The following BORCS5 variants were observed in gnomAD, a reference collection of about 807,000 sequenced individuals.
The protein encoded by BORCS5 is BLOC-1 related complex subunit 5.
In BORCS5, 17 loss-of-function variants were observed where a neutral mutation model predicts 22.1. That is an observed-to-expected ratio of 0.77 (90% CI 0.53 to 1.15). The LOEUF is 1.15. BORCS5 is among the 50% of genes most tolerant of loss of function. The pLI is 0.00. For synonymous variants in BORCS5, 117 were observed against 99.8 expected, an observed-to-expected ratio of 1.17 and a Z score of -1.03; for missense variants, 247 against 253.2, an observed-to-expected ratio of 0.98 and a Z score of 0.17.
At position 12,470,019 on chromosome 12, in the gene BORCS5, T is replaced by G. The variant is rs1415608849; in HGVS notation, c.*4243T>G. ...TACCCATCTGTGGCGTGTGAGGAAG[T>G]GTGCTGCACAGCAGGAGGTGAGCGG... On this transcript the variant is annotated 3_prime_UTR_variant, in exon 4 of 4. Transcript: ENST00000314565. 6.6e-6 allele frequency among the ~76,000 whole-genome samples: 1 copy of G among 152,084 alleles called. No homozygotes were observed. Among genetic ancestry groups the G allele is most frequent in the Non-Finnish European group, 1.5e-5 (1 of 68,020 alleles).
chr12:12,381,166 AT>A, intron 2 of BORCS5, among the ~76,000 whole-genome samples: 1 of 150,660 alleles, frequency 6.6e-6, no homozygotes, highest in Non-Finnish European at 1.5e-5. Context: ...TGCCTGGCTC[AT>A]TTTTGTGTTT....
At chr12:12,444,087 C>T (rs1056988616) in intron 3 of BORCS5, among the ~76,000 whole-genome samples, 2 of 152,200 alleles carry the variant, frequency 1.3e-5, no homozygotes, top group African/African-American at 4.8e-5. Flanking sequence ...GCTGCAGTGC[C>T]TAGAACAATG....
rs143751244 is a variant in BORCS5, at chr12:12,466,225, C to G, written c.*449C>G. 1.5e-3 allele frequency: 232 copies of G among 156,926 alleles called. 2 individuals are homozygous for G. Among genetic ancestry groups the G allele is most frequent in the African/African-American group, 4.9e-3 (203 of 41,594 alleles). 9.7% of individuals were successfully genotyped at this position (156,926 alleles called of 1,614,324 possible). A position where few individuals can be genotyped will look rare whatever the true frequency, so the allele number is the denominator to read the frequency against. On this transcript the variant is annotated 3_prime_UTR_variant, in exon 4 of 4. Transcript: ENST00000314565. ...GTTTATGTGTGGTCAACTTGAAAAACTAATTGAATCTAGGTCTCTGTATTG... is the reference window on the plus strand; with the variant it reads ...GTTTATGTGTGGTCAACTTGAAAAAGTAATTGAATCTAGGTCTCTGTATTG...
At position 12,466,195 on chromosome 12, in the gene BORCS5, G is replaced by T. The variant is rs190769009; in HGVS notation, c.*419G>T. 6.2e-6 allele frequency: 1 copy of T among 161,954 alleles called. No homozygotes were observed. Among genetic ancestry groups the T allele is most frequent in the Admixed American group, 6.3e-5 (1 of 15,944 alleles). The allele number at this position is 161,954 out of a possible 1,614,324, so 10.0% of individuals were successfully genotyped here. ...GCCCTCATGAACTTTTCAGTAGGCT[G>T]TCTGGTTTATGTGTGGTCAACTTGA... On this transcript the variant is annotated 3_prime_UTR_variant, in exon 4 of 4. Coordinates refer to ENST00000314565, the MANE Select transcript of BORCS5 (RefSeq NM_058169.6).
chr12:12,426,429 C>T (rs1367512999), intron 2 of BORCS5, among the ~76,000 whole-genome samples: 1 of 152,126 alleles, frequency 6.6e-6, no homozygotes, highest in African/African-American at 2.4e-5. Context: ...AACAGGATTC[C>T]TCGAAGACAC....
At chr12:12,438,371 A>AAAAAAAAAAAAAAAAAAAAAAAAC (rs1565915549) in intron 3 of BORCS5, among the ~76,000 whole-genome samples, 1 of 117,080 alleles carries the variant, frequency 8.5e-6, no homozygotes, top group African/African-American at 4.5e-5. Flanking sequence ...AAAAAAAAAA[A>AAAAAAAAAAAAAAAAAAAAAAAAC]AAAAAAAAAC....
At chr12:12,357,633 T>C (rs1454538374) in intron 1 of BORCS5, 124 bp downstream of exon 1, 2 of 1,026,508 alleles carry the variant, frequency 1.9e-6, no homozygotes, top group Admixed American at 6.5e-5. Context: ...ACCGTGCTAG[T>C]AGGAAAAAAA....
chr12:12,394,163 T>A lies in BORCS5; in HGVS notation c.202+32814T>A, dbSNP rs1476833991. The stretch of plus-strand genomic sequence containing the variant: ...CAACATGGTGAAACCCTGTCTCTAC[T>A]AAAAATACAAAAATGAGCCTGGTAT... On this transcript the variant is annotated intron_variant, in intron 2 of 3. Coordinates refer to ENST00000314565, the MANE Select transcript of BORCS5 (RefSeq NM_058169.6). 5.3e-5 allele frequency among the ~76,000 whole-genome samples: 8 copies of A among 151,786 alleles called. No homozygotes were observed. The East Asian group carries it at 1.6e-3, about 29-fold the overall frequency.
At chr12:12,459,501 G>A (rs1943062922) in intron 3 of BORCS5, among the ~76,000 whole-genome samples, 1 of 151,854 alleles carries the variant, frequency 6.6e-6, no homozygotes, top group Non-Finnish European at 1.5e-5. Context: ...GTAGAGACGG[G>A]ATTTCACCAT....
chr12:12,383,551 C>A (rs781179641), intron 2 of BORCS5, among the ~76,000 whole-genome samples: 2 of 150,886 alleles, frequency 1.3e-5, no homozygotes, highest in Non-Finnish European at 3.0e-5. Context: ...TTTAATGTTA[C>A]AAATTCACTA....
intron 3 of BORCS5, chr12:12,452,235 G>A: frequency 1.4e-6 from 1 of 736,950 alleles, no homozygotes; most frequent in East Asian, 3.4e-5. Context: ...CCCTCAGCCA[G>A]CCTCAGATTT....
chr12:12,456,927 G>T (rs187121410), intron 3 of BORCS5, among the ~76,000 whole-genome samples: 2 of 151,590 alleles, frequency 1.3e-5, no homozygotes, highest in Admixed American at 1.3e-4. Context: ...TAATGTAACC[G>T]AGATGAGGCG....
chr12:12,445,100 A>G (rs2136137601), intron 3 of BORCS5, among the ~76,000 whole-genome samples: 1 of 152,294 alleles, frequency 6.6e-6, no homozygotes, highest in Non-Finnish European at 1.5e-5. Context: ...CTGGAGTGCA[A>G]TACCACAATC....
intron 2 of BORCS5, among the ~76,000 whole-genome samples, chr12:12,365,947 G>A (rs1478916112): frequency 1.3e-5 from 2 of 152,184 alleles, no homozygotes; most frequent in Non-Finnish European, 2.9e-5. Flanking sequence ...CTAGCGTGGT[G>A]GGTATGAGGT....
intron 2 of BORCS5, among the ~76,000 whole-genome samples, chr12:12,386,080 A>G (rs1443153955): frequency 6.6e-6 from 1 of 150,586 alleles, no homozygotes; most frequent in Non-Finnish European, 1.5e-5. Context: ...GGCTCACTGC[A>G]ACCTCTGCCT....
At chr12:12,373,952 A>G (rs912360433) in intron 2 of BORCS5, among the ~76,000 whole-genome samples, 3 of 150,778 alleles carry the variant, frequency 2.0e-5, no homozygotes, top group Non-Finnish European at 4.4e-5. Context: ...AGGTAGCTAC[A>G]TAGAGAAGGC....
chr12:12,364,070 A>G (rs1318866950), intron 2 of BORCS5, among the ~76,000 whole-genome samples: 1 of 152,068 alleles, frequency 6.6e-6, no homozygotes. Context: ...AGAAAAGAAA[A>G]TGTATTAAGA....
At chr12:12,433,049 C>A (rs1179777195) in intron 2 of BORCS5, among the ~76,000 whole-genome samples, 1 of 151,912 alleles carries the variant, frequency 6.6e-6, no homozygotes, top group Non-Finnish European at 1.5e-5. Flanking sequence ...ATGAGGAAAT[C>A]TGGGCTGGGC....
In BORCS5 at chr12:12,357,381, G is replaced by C; in HGVS notation, c.-71G>C. ...CTCCCCGTCCCGGTCCCTGGCCCCTGCCCTGTCGCCCGCCGCCGGAGCGGT... is the reference window on the plus strand; with the variant it reads ...CTCCCCGTCCCGGTCCCTGGCCCCTCCCCTGTCGCCCGCCGCCGGAGCGGT... On this transcript the variant is annotated 5_prime_UTR_variant, in exon 1 of 4. Coordinates refer to ENST00000314565, the MANE Select transcript of BORCS5 (RefSeq NM_058169.6). The C allele has an allele frequency of 6.4e-7, 1 of 1,566,788 alleles. No homozygotes were observed. Among genetic ancestry groups the C allele is most frequent in the Non-Finnish European group, 8.7e-7 (1 of 1,152,524 alleles).
Sources: gnomAD v4.1 joint callset for allele counts (sites outside exome capture counted in the v4.1 genomes callset) on GRCh38, gnomAD v4.1.1 for gene constraint, MANE v1.5 for transcripts, NCBI Gene and HGNC (gene_info 2026-07-23, HGNC 2026-07-21) for gene names.